LRRC2: variants seen among roughly 807,000 people sequenced by gnomAD.
LRRC2 encodes leucine-rich repeat-containing protein 2.
Under a neutral mutation model 40.2 loss-of-function variants are expected in LRRC2, and 27 were observed. The observed-to-expected ratio is 0.67, with a 90% confidence interval of 0.49 to 0.93. The LOEUF is 0.93. Ranked by LOEUF, LRRC2 falls within the 40% of genes least tolerant of loss-of-function variation. The pLI, the probability that LRRC2 is intolerant of heterozygous loss-of-function variation, is 0.00. For synonymous variants in LRRC2, 147 were observed against 158.9 expected (o/e 0.92, Z 0.56); for missense variants, 402 against 439.6 (o/e 0.91, Z 0.76).
At chr3:46,534,418 TCC>T (rs1559412240) in intron 4 of LRRC2, among the ~76,000 whole-genome samples, 5 of 127,588 alleles carry the variant, frequency 3.9e-5, no homozygotes, top group Admixed American at 7.6e-5. Flanking sequence ...TTCTTTTCCT[TCC>T]TTCCTTTCTT....
intron 4 of LRRC2, among the ~76,000 whole-genome samples, chr3:46,533,624 A>AAAC (rs1272820326): frequency 4.6e-5 from 7 of 152,196 alleles, no homozygotes; most frequent in African/African-American, 1.7e-4. Context: ...TTTTATAATA[A>AAAC]AGTGTTGAAT....
At chr3:46,541,344 A>AAAAAG (rs1272207334) in intron 3 of LRRC2, among the ~76,000 whole-genome samples, 8 of 151,696 alleles carry the variant, frequency 5.3e-5, no homozygotes, top group East Asian at 1.9e-4. Flanking sequence ...AAAAAAAAAA[A>AAAAAG]AAAAGAAAAG....
Position 46,545,043 on chromosome 3 carries a change from C to T in LRRC2, c.333+3G>A. The T allele has an allele frequency of 1.2e-6, 2 of 1,612,250 alleles. No individual in the cohort carries two copies. The highest frequency in any genetic ancestry group is 1.7e-6 in the Non-Finnish European group (2 of 1,179,788). ...GCATTGGGCGAGAACTGCCTCGACT[C>T]ACCGTCCAGTGCTCCCCAGAAAGTT... is the stretch of plus-strand genomic sequence containing the variant. On this transcript the variant is annotated splice_donor_region_variant and intron_variant, in intron 3 of 8. Transcript: ENST00000395905.
At chr3:46,544,086 A>T (rs370155508) in intron 3 of LRRC2, among the ~76,000 whole-genome samples, 1 of 99,614 alleles carries the variant, frequency 1.0e-5, no homozygotes, top group African/African-American at 2.7e-5. Context: ...TCACATGGCT[A>T]ATAAAAGACA....
At chr3:46,544,599 T>C (rs1704484703) in intron 3 of LRRC2, among the ~76,000 whole-genome samples, 1 of 152,244 alleles carries the variant, frequency 6.6e-6, no homozygotes, top group Non-Finnish European at 1.5e-5. Context: ...GAAAGAAAGA[T>C]GGAATTGTCT....
intron 1 of LRRC2, among the ~76,000 whole-genome samples, chr3:46,556,041 G>T (rs1575361745): frequency 6.6e-6 from 1 of 151,630 alleles, no homozygotes; most frequent in East Asian, 1.9e-4. Context: ...CATAGTTTCT[G>T]ATTAGAAATC....
At chr3:46,558,465 T>C (rs1002368332) in intron 1 of LRRC2, 1 of 152,278 alleles carries the variant, frequency 6.6e-6, no homozygotes, top group Non-Finnish European at 1.5e-5. Flanking sequence ...TTCAGCTATG[T>C]TCCGTGTGCA....
chr3:46,556,572 A>C (rs998035820), intron 1 of LRRC2, among the ~76,000 whole-genome samples: 1 of 86,828 alleles, frequency 1.2e-5, no homozygotes, highest in African/African-American at 4.4e-5. Flanking sequence ...TTCAGTCATT[A>C]TTTCTTTTTT....
At chr3:46,525,257 T>C (rs1469289818) in intron 7 of LRRC2, among the ~76,000 whole-genome samples, 1 of 105,398 alleles carries the variant, frequency 9.5e-6, no homozygotes, top group Non-Finnish European at 2.2e-5. Flanking sequence ...CCAGGCCTTT[T>C]TTTCTTTTTT....
intron 3 of LRRC2, among the ~76,000 whole-genome samples, chr3:46,543,338 C>T (rs1704438170): frequency 1.3e-5 from 2 of 152,096 alleles, no homozygotes. Flanking sequence ...CTTTACAGGC[C>T]AGGTGCAGTG....
At chr3:46,521,947 C>A (rs1037878986) in intron 7 of LRRC2, among the ~76,000 whole-genome samples, 2 of 152,180 alleles carry the variant, frequency 1.3e-5, no homozygotes, top group Non-Finnish European at 2.9e-5. Flanking sequence ...AACACCTCCT[C>A]TCAGGCAGAT....
intron 1 of LRRC2, among the ~76,000 whole-genome samples, chr3:46,561,877 T>TC (rs1704952393): frequency 6.6e-6 from 1 of 152,012 alleles, no homozygotes; most frequent in African/African-American, 2.4e-5. Flanking sequence ...CCCAGCTTGG[T>TC]CCCCAGATGC....
Position 46,519,011 on chromosome 3 carries a change from A to C in LRRC2, c.*3T>G. ...AGTGAGATTTGCAGTCTTCTGATGG[A>C]TATCAAAGTTGAAGGCTAAAAGACA... On this transcript the variant is annotated 3_prime_UTR_variant, in exon 9 of 9. Transcript: ENST00000395905. The C allele has an allele frequency of 1.3e-6, 2 of 1,591,292 alleles. No homozygotes were observed. The highest frequency in any genetic ancestry group is 1.7e-6 in the Non-Finnish European group (2 of 1,159,312).
rs1239977775 is a variant in LRRC2, at chr3:46,554,307, C to T, written c.-19-2697G>A. 4.9e-5 allele frequency among the ~76,000 whole-genome samples: 3 copies of T among 60,628 alleles called. No individual in the cohort carries two copies. The East Asian group carries it at 3.9e-3, about 79-fold the overall frequency. The allele number at this position is 60,628 out of a possible 152,430, so 39.8% of individuals were successfully genotyped here. A position where few individuals can be genotyped will look rare whatever the true frequency, so the allele number is the denominator to read the frequency against. ...AAGTGCTGGGATTATCGGCATGAGA[C>T]AGTCTGCCCAGCCTGAGACTGCCTT... On this transcript the variant is annotated intron_variant, in intron 1 of 8. Coordinates refer to ENST00000395905, the MANE Select transcript of LRRC2 (RefSeq NM_024512.5).
intron 1 of LRRC2, among the ~76,000 whole-genome samples, chr3:46,563,208 G>T (rs1479462753): frequency 5.9e-5 from 9 of 152,028 alleles, no homozygotes; most frequent in African/African-American, 1.2e-4. Flanking sequence ...TTGGGGAAAG[G>T]CCCCCTAATT....
chr3:46,546,464 A>G (rs1704527338), intron 2 of LRRC2, among the ~76,000 whole-genome samples: 1 of 152,180 alleles, frequency 6.6e-6, no homozygotes, highest in Non-Finnish European at 1.5e-5. Context: ...GTAAGGAGAA[A>G]TTTCAGATTT....
At chr3:46,556,436 C>T (rs563538949) in intron 1 of LRRC2, among the ~76,000 whole-genome samples, 14 of 151,970 alleles carry the variant, frequency 9.2e-5, no homozygotes, top group Admixed American at 7.2e-4. Context: ...AAAATTTTTT[C>T]GTCTTTGGGT....
intron 3 of LRRC2, among the ~76,000 whole-genome samples, chr3:46,542,821 C>T (rs1320186248): frequency 1.3e-5 from 2 of 152,146 alleles, no homozygotes; most frequent in African/African-American, 2.4e-5. Context: ...AAAACAGGAG[C>T]CCCAGCCCTC....
intron 8 of LRRC2, among the ~76,000 whole-genome samples, chr3:46,519,700 T>C (rs1381126731): frequency 6.6e-6 from 1 of 152,238 alleles, no homozygotes; most frequent in Non-Finnish European, 1.5e-5. Context: ...CTCTCATTCC[T>C]ATGTTCACTA....
Sources: allele counts gnomAD v4.1 joint callset (sites outside exome capture counted in the v4.1 genomes callset), GRCh38; gene constraint gnomAD v4.1.1; transcripts MANE v1.5; gene names NCBI Gene and HGNC (gene_info 2026-07-23, HGNC 2026-07-21).